The following UPP2 variants were observed in gnomAD, a reference collection of about 807,000 sequenced individuals.
UPP2 encodes the protein UPase 2.
A neutral mutation model predicts 26.7 loss-of-function variants in UPP2; 23 were observed. The observed-to-expected ratio is 0.86, with a 90% CI of 0.62 to 1.22. The LOEUF is 1.22. Ranked by LOEUF, UPP2 falls within the 50% of genes most tolerant of loss-of-function variation. UPP2 has a pLI of 0.00. For missense variants in UPP2, 387 were observed against 396.7 expected (o/e 0.98, Z 0.21); for synonymous variants, 127 against 141.3 (o/e 0.90, Z 0.72).
intron 3 of UPP2, among the ~76,000 whole-genome samples, chr2:158,033,033 C>T (rs1303135916): frequency 1.3e-5 from 2 of 152,068 alleles, no homozygotes; most frequent in Non-Finnish European, 2.9e-5. Context: ...CCCTCAAATC[C>T]CGCTGTATAA....
At chr2:158,056,909 T>C (rs754446664) in intron 3 of UPP2, among the ~76,000 whole-genome samples, 2 of 152,196 alleles carry the variant, frequency 1.3e-5, no homozygotes, top group South Asian at 2.1e-4. Flanking sequence ...CACCACATTA[T>C]GTCATGTCTC....
intron 3 of UPP2, among the ~76,000 whole-genome samples, chr2:158,071,273 C>T (rs1682535177): frequency 6.6e-6 from 1 of 152,036 alleles, no homozygotes; most frequent in Non-Finnish European, 1.5e-5. Flanking sequence ...AAAGTGACTC[C>T]TTCCAGCACG....
Position 158,134,939 on chromosome 2 carries a change from G to A in UPP2, c.*49G>A. The A allele has an allele frequency of 6.5e-7, 1 of 1,541,448 alleles. No individual in the cohort carries two copies. The highest frequency in any genetic ancestry group is 8.8e-7 in the Non-Finnish European group (1 of 1,142,326). On this transcript the variant is annotated 3_prime_UTR_variant, in exon 7 of 7. Transcript: ENST00000005756. The stretch of plus-strand genomic sequence containing the variant: ...CCTCCCCTGCAAGTTTGTAGCTCAA[G>A]TTGTAATGTGAAAGTCATATTTTAT...
chr2:158,122,390 A>G (rs894309810), intron 5 of UPP2, among the ~76,000 whole-genome samples: 1 of 152,008 alleles, frequency 6.6e-6, no homozygotes, highest in Admixed American at 6.5e-5. Flanking sequence ...ATGTTTGGAG[A>G]TAGGTCATAT....
At chr2:158,051,084 A>T (rs927292693) in intron 3 of UPP2, among the ~76,000 whole-genome samples, 1 of 151,932 alleles carries the variant, frequency 6.6e-6, no homozygotes, top group South Asian at 2.1e-4. Flanking sequence ...ACACATAAAC[A>T]TTATATAAAT....
intron 2 of UPP2, among the ~76,000 whole-genome samples, chr2:158,013,826 C>T (rs910924762): frequency 2.6e-5 from 4 of 152,322 alleles, no homozygotes; most frequent in African/African-American, 9.6e-5. Flanking sequence ...AAGCTTTGTG[C>T]GGCTTGCTTG....
chr2:158,063,439 A>C (rs1682383901), intron 3 of UPP2, among the ~76,000 whole-genome samples: 1 of 152,286 alleles, frequency 6.6e-6, no homozygotes, highest in Non-Finnish European at 1.5e-5. Flanking sequence ...TGATGTCTGA[A>C]AAACCAGGAG....
chr2:158,106,199 A>G lies in UPP2; in HGVS notation c.163A>G (p.Met55Val), dbSNP rs1490614264. The G allele has an allele frequency of 6.2e-7, 1 of 1,610,036 alleles. No homozygotes were observed. ...AACAAAAACACACAACCTACCAGCA[A>G]TGTTTGGAGATGTAAAGGTAAAAAC... ...LGTKTHNLPA[M>V]FGDVKFVCVG... Residue 55 changes from methionine to valine, a missense_variant, in exon 2 of 7, where the codon ATG becomes GTG. Coordinates refer to ENST00000005756, the MANE Select transcript of UPP2 (RefSeq NM_173355.4).
chr2:158,000,070 T>A (rs1164698421), intron 2 of UPP2, among the ~76,000 whole-genome samples: 2 of 151,994 alleles, frequency 1.3e-5, no homozygotes, highest in Non-Finnish European at 2.9e-5. Flanking sequence ...CTTTCAAATT[T>A]TTTTTTTTTT....
intron 2 of UPP2, among the ~76,000 whole-genome samples, chr2:158,001,074 G>C (rs17419998): frequency 0.062 from 9,447 of 152,258 alleles, 374 homozygotes; most frequent in Non-Finnish European, 0.094. Flanking sequence ...GCCAAGAGTT[G>C]CTTGAATTCC....
chr2:158,018,826 G>T (rs1035557720), intron 3 of UPP2, among the ~76,000 whole-genome samples: 1 of 152,070 alleles, frequency 6.6e-6, no homozygotes, highest in Non-Finnish European at 1.5e-5. Context: ...TTTCCTAGGA[G>T]CTCTGTGAAA....
At chr2:158,039,770 C>T (rs185594561) in intron 3 of UPP2, among the ~76,000 whole-genome samples, 39 of 152,324 alleles carry the variant, frequency 2.6e-4, no homozygotes, top group Middle Eastern at 6.8e-3. Flanking sequence ...GTTCACACAC[C>T]TATTAAAGCT....
In UPP2 at chr2:158,102,096, C is replaced by A. The variant is rs769335725; in HGVS notation, c.33C>A (p.Ser11=). ...CAGTTATACCTGCCTCCAATAGGTC[C>A]ATGAGATCTGACAGGAATACATATG... MASVIPASNR[S]MRSDRNTYVG... Residue 11 remains serine (S), a synonymous_variant, in exon 1 of 7, where the codon TCC becomes TCA. Coordinates refer to ENST00000005756, the MANE Select transcript of UPP2 (RefSeq NM_173355.4). 39 of 1,613,278 alleles carry A rather than the reference C, an allele frequency of 2.4e-5. No homozygotes were observed. The highest frequency in any genetic ancestry group is 3.3e-5 in the Non-Finnish European group (39 of 1,179,694).
intron 3 of UPP2, among the ~76,000 whole-genome samples, chr2:158,089,508 A>T (rs566552798): frequency 6.6e-6 from 1 of 152,136 alleles, no homozygotes; most frequent in Non-Finnish European, 1.5e-5. Flanking sequence ...CCCGACCCCA[A>T]CTTCTGTCCA....
chr2:158,133,629 T>C (rs1683871604), intron 6 of UPP2: 1 of 152,218 alleles, frequency 6.6e-6, no homozygotes, highest in Admixed American at 6.5e-5. Flanking sequence ...CTCATAATTA[T>C]ATATAATTAC....
intron 3 of UPP2, among the ~76,000 whole-genome samples, chr2:158,063,709 C>A (rs1436532138): frequency 6.6e-6 from 1 of 152,110 alleles, no homozygotes; most frequent in Non-Finnish European, 1.5e-5. Flanking sequence ...CAGCCCATAA[C>A]CTACATTGGG....
At chr2:158,118,004 A>G (rs1683478694) in intron 4 of UPP2, 66 bp downstream of exon 4, 4 of 1,341,404 alleles carry the variant, frequency 3.0e-6, no homozygotes, top group Middle Eastern at 2.1e-4. Flanking sequence ...CTGCCAAAAT[A>G]TAACATCCTA....
At chr2:158,038,252 T>C (rs1684032840) in intron 3 of UPP2, among the ~76,000 whole-genome samples, 1 of 152,254 alleles carries the variant, frequency 6.6e-6, no homozygotes, top group East Asian at 1.9e-4. Flanking sequence ...CCAGATGTTT[T>C]AAATGGCTTT....
chr2:158,059,476 T>C (rs1682315540), intron 3 of UPP2, among the ~76,000 whole-genome samples: 2 of 152,264 alleles, frequency 1.3e-5, no homozygotes, highest in South Asian at 4.1e-4. Flanking sequence ...CCTCTGAGTG[T>C]TGTTCCACAT....
Sources: allele counts gnomAD v4.1 joint callset (sites outside exome capture counted in the v4.1 genomes callset), GRCh38; gene constraint gnomAD v4.1.1; transcripts MANE v1.5; gene names NCBI Gene and HGNC (gene_info 2026-07-23, HGNC 2026-07-21).